Variants in ARHGAP27 observed in about 807,000 individuals in gnomAD.
ARHGAP27 encodes the protein rho GTPase-activating protein 27.
Under a neutral mutation model 102.0 loss-of-function variants are expected in ARHGAP27, and 53 were observed. The observed-to-expected ratio is 0.52, with a 90% CI of 0.42 to 0.65. The LOEUF (loss-of-function observed/expected upper bound fraction) is 0.65, where lower values mean the gene tolerates loss of function less well. Among genes scored for constraint, ARHGAP27 ranks in the 30% least tolerant of loss-of-function variants. ARHGAP27 has a pLI of 0.00. For synonymous variants in ARHGAP27, 525 were observed against 542.8 expected (o/e 0.97, Z 0.46); for missense variants, 1,117 against 1,256.2 (o/e 0.89, Z 1.68).
chr17:45,422,064 G>A, intron 4 of ARHGAP27, among the ~76,000 whole-genome samples: 1 of 152,120 alleles, frequency 6.6e-6, no homozygotes, highest in Non-Finnish European at 1.5e-5. Context: ...TAATCAGGAG[G>A]TTGGGGCAGG....
At position 45,394,478 on chromosome 17, in the gene ARHGAP27, C is replaced by G. The variant is rs2045372398; in HGVS notation, c.*978G>C. On this transcript the variant is annotated 3_prime_UTR_variant, in exon 20 of 20. Transcript: ENST00000685559. ...CCTGCTAGGGCTATGTCCCCCTCCCCTAGGACAGAACAGCTGGGACAGTTT... is the reference window on the plus strand; with the variant it reads ...CCTGCTAGGGCTATGTCCCCCTCCCGTAGGACAGAACAGCTGGGACAGTTT... The G allele has an allele frequency of 6.6e-6, 1 of 152,370 alleles. No homozygotes were observed. Among genetic ancestry groups the G allele is most frequent in the African/African-American group, 2.4e-5 (1 of 41,472 alleles). 9.4% of individuals were successfully genotyped at this position (152,370 alleles called of 1,614,324 possible). A position where few individuals can be genotyped will look rare whatever the true frequency, so the allele number is the denominator to read the frequency against.
At chr17:45,424,597 A>C (rs535213237) in intron 4 of ARHGAP27, among the ~76,000 whole-genome samples, 1 of 144,802 alleles carries the variant, frequency 6.9e-6, no homozygotes, top group Non-Finnish European at 1.5e-5. Context: ...AAACAGGTCT[A>C]TGGGAGCTAA....
At chr17:45,410,402 T>G in intron 4 of ARHGAP27, 2 of 1,262,486 alleles carry the variant, frequency 1.6e-6, no homozygotes, top group Non-Finnish European at 2.0e-6. Context: ...GTTGCCGAGA[T>G]GGCGGGAGGC....
At chr17:45,422,035 G>A (rs1459656788) in intron 4 of ARHGAP27, among the ~76,000 whole-genome samples, 1 of 152,080 alleles carries the variant, frequency 6.6e-6, no homozygotes, top group Non-Finnish European at 1.5e-5. Flanking sequence ...ATGTGGTGGC[G>A]TGTGCCTGTA....
chr17:45,401,872 T>A (rs1341232710), intron 12 of ARHGAP27, among the ~76,000 whole-genome samples: 2 of 152,164 alleles, frequency 1.3e-5, no homozygotes, highest in Admixed American at 1.3e-4. Flanking sequence ...GCCCCCTAAT[T>A]CCTCTCCATC....
chr17:45,430,892 C>G lies in ARHGAP27; in HGVS notation c.-18-595G>C, dbSNP rs763695719. On this transcript the variant is annotated intron_variant, in intron 3 of 19. Coordinates refer to ENST00000685559, the MANE Select transcript of ARHGAP27 (RefSeq NM_001282290.2). This position sits in a 1 kb window ranked among gnomAD's most constrained non-coding sequence, Gnocchi z 4.4. ...CTCTACCTGGGGGCTGTCGCTGCCCCCCTTAGTCCGAGGGCCTTGCTGTAG... is the reference window on the plus strand; with the variant it reads ...CTCTACCTGGGGGCTGTCGCTGCCCGCCTTAGTCCGAGGGCCTTGCTGTAG... 3.9e-5 allele frequency among the ~76,000 whole-genome samples: 6 copies of G among 152,152 alleles called. No individual in the cohort carries two copies. The highest frequency in any genetic ancestry group is 6.5e-5 in the Admixed American group (1 of 15,284).
At chr17:45,404,824 T>C in intron 6 of ARHGAP27, 100 bp downstream of exon 6, 1 of 1,560,478 alleles carries the variant, frequency 6.4e-7, no homozygotes, top group Non-Finnish European at 8.8e-7. Context: ...TTAGGCTCTG[T>C]GTGGGAGCTG....
chr17:45,411,972 G>A (rs2047961283), intron 4 of ARHGAP27, among the ~76,000 whole-genome samples: 1 of 152,150 alleles, frequency 6.6e-6, no homozygotes, highest in Non-Finnish European at 1.5e-5. Context: ...GACAGGTGTG[G>A]AACTCAGGCC....
rs997265425 is a variant in ARHGAP27 at position 45,410,049 on chromosome 17, C to T, written c.658-3966G>A. ...CCCTGTCCACAAGCAGGTGGCAGCCCTGCCACTCTTGCCCCAAGCTGACCA... is the reference window on the plus strand; with the variant it reads ...CCCTGTCCACAAGCAGGTGGCAGCCTTGCCACTCTTGCCCCAAGCTGACCA... On this transcript the variant is annotated intron_variant, in intron 4 of 19. Coordinates refer to ENST00000685559, the MANE Select transcript of ARHGAP27 (RefSeq NM_001282290.2). 3 of 721,542 alleles carry T rather than the reference C, an allele frequency of 4.2e-6. No homozygotes were observed. In the Admixed American group the frequency reaches 9.4e-5, roughly 23 times the overall value. 44.7% of individuals were successfully genotyped at this position (721,542 alleles called of 1,614,324 possible).
intron 13 of ARHGAP27, 143 bp downstream of exon 13, chr17:45,397,806 C>T: frequency 1.5e-6 from 1 of 651,296 alleles, no homozygotes; most frequent in Non-Finnish European, 2.4e-6. Flanking sequence ...CTTCAGCCGC[C>T]TACCCTGCCA....
rs2045370371 is a variant in ARHGAP27 at position 45,394,457 on chromosome 17, C to G, written c.*999G>C. ...TGCCAAGAGGGGCTGGGAGCTCCTGCTAGGGCTATGTCCCCCTCCCCTAGG... is the reference window on the plus strand; with the variant it reads ...TGCCAAGAGGGGCTGGGAGCTCCTGGTAGGGCTATGTCCCCCTCCCCTAGG... On this transcript the variant is annotated 3_prime_UTR_variant, in exon 20 of 20. Transcript: ENST00000685559. 6.6e-6 allele frequency: 1 copy of G among 152,366 alleles called. No homozygotes were observed. Among genetic ancestry groups the G allele is most frequent in the South Asian group, 2.1e-4 (1 of 4,834 alleles). 9.4% of individuals were successfully genotyped at this position (152,366 alleles called of 1,614,324 possible). A position where few individuals can be genotyped will look rare whatever the true frequency, so the allele number is the denominator to read the frequency against.
At chr17:45,398,143 T>G (rs771656341) in intron 12 of ARHGAP27, 96 bp from the exon 13 acceptor site, 4 of 931,564 alleles carry the variant, frequency 4.3e-6, no homozygotes, top group Non-Finnish European at 6.2e-6. Context: ...AGAGGTGACC[T>G]GTCCCTGCCC....
intron 12 of ARHGAP27, among the ~76,000 whole-genome samples, chr17:45,399,666 G>A (rs2046212622): frequency 7.1e-6 from 1 of 140,506 alleles, no homozygotes; most frequent in Admixed American, 7.2e-5. Flanking sequence ...AAAGGACAGA[G>A]AACCTTCAAG....
chr17:45,411,749 A>T (rs1008207644), intron 4 of ARHGAP27, among the ~76,000 whole-genome samples: 2 of 151,684 alleles, frequency 1.3e-5, no homozygotes, highest in African/African-American at 4.8e-5. Context: ...CTTATCACAC[A>T]CCTGACCCAT....
intron 4 of ARHGAP27, among the ~76,000 whole-genome samples, chr17:45,411,750 C>A (rs533991498): frequency 2.0e-5 from 3 of 152,222 alleles, no homozygotes; most frequent in Admixed American, 1.3e-4. Context: ...TTATCACACA[C>A]CTGACCCATC....
chr17:45,402,139 G>A (rs867260674), intron 12 of ARHGAP27, among the ~76,000 whole-genome samples: 1 of 152,298 alleles, frequency 6.6e-6, no homozygotes, highest in South Asian at 2.1e-4. Context: ...CTGGGGATGC[G>A]GTCCAGTCGG....
chr17:45,406,162 G>A, intron 4 of ARHGAP27, 79 bp from the exon 5 acceptor site: 1 of 1,374,086 alleles, frequency 7.3e-7, no homozygotes, highest in Non-Finnish European at 9.6e-7. Context: ...TGGGCAGTGC[G>A]ATTATAGGGG....
chr17:45,395,417 G>A lies in ARHGAP27; in HGVS notation c.*39C>T. The A allele has an allele frequency of 6.5e-7, 1 of 1,530,052 alleles. No homozygotes were observed. The allele number at this position is 1,530,052 out of a possible 1,614,324, so 94.8% of individuals were successfully genotyped here. A position where few individuals can be genotyped will look rare whatever the true frequency, so the allele number is the denominator to read the frequency against. ...GTGGCCTCCGCCGCCCAGCTTGTGT[G>A]GCAGGACCGCGGCCGCCGCCCCAGT... On this transcript the variant is annotated 3_prime_UTR_variant, in exon 20 of 20. Transcript: ENST00000685559.
chr17:45,417,681 AAGGT>A (rs1232063124), intron 4 of ARHGAP27, among the ~76,000 whole-genome samples: 3 of 151,622 alleles, frequency 2.0e-5, no homozygotes, highest in Non-Finnish European at 4.4e-5. Flanking sequence ...TTGAACCTGG[AAGGT>A]AGAGATTGCA....
Sources: allele counts gnomAD v4.1 joint callset (sites outside exome capture counted in the v4.1 genomes callset), GRCh38; gene constraint gnomAD v4.1.1; non-coding constraint Gnocchi (gnomAD v3.1); transcripts MANE v1.5; gene names NCBI Gene and HGNC (gene_info 2026-07-23, HGNC 2026-07-21).